Variants in SCN7A observed in about 807,000 individuals in gnomAD.
The protein encoded by SCN7A is sodium channel protein type 7 subunit alpha.
Under a neutral mutation model 155.2 loss-of-function variants are expected in SCN7A, and 138 were observed. The ratio of observed to expected loss-of-function variants is 0.89; its 90% confidence interval spans 0.77 to 1.02. The LOEUF (loss-of-function observed/expected upper bound fraction) is 1.02. SCN7A is among the 50% of genes least tolerant of loss of function. The pLI is 0.00. For synonymous variants in SCN7A, 693 were observed against 649.0 expected, an observed-to-expected ratio of 1.07 and a Z score of -1.03; for missense variants, 2,058 against 1,986.6, an observed-to-expected ratio of 1.04 and a Z score of -0.68.
rs756454563 is a variant in SCN7A, at chr2:166,423,472, G to A, written c.2854-40C>T. On this transcript the variant is annotated intron_variant, in intron 18 of 25. Transcript: ENST00000643258. ...AAAAAAATAAGGATTAGGTGTACAG[G>A]TAATTTCTAAAAACTCTTTTGACAT... 2.7e-6 allele frequency: 4 copies of A among 1,461,400 alleles called. No homozygotes were observed. The African/African-American group carries it at 4.3e-5, about 16-fold the overall frequency. 90.5% of individuals were successfully genotyped at this position (1,461,400 alleles called of 1,614,324 possible).
At chr2:166,420,445 C>A (rs1009430551) in intron 20 of SCN7A, among the ~76,000 whole-genome samples, 1 of 151,924 alleles carries the variant, frequency 6.6e-6, no homozygotes, top group Admixed American at 6.6e-5. Context: ...TACATTTGAA[C>A]GTATTCTCCC....
intron 5 of SCN7A, among the ~76,000 whole-genome samples, chr2:166,473,581 A>C (rs1392455507): frequency 6.6e-6 from 1 of 151,538 alleles, no homozygotes. Context: ...GAAAGGAATG[A>C]AAGTTACCTG....
Position 166,441,507 on chromosome 2 carries a change from G to C in SCN7A, c.2046C>G (p.Phe682Leu), listed in dbSNP as rs1403048908. ...HDFFHSFLNV[F>L]RILCGEWVET... ...CTACCCACTCTCCACAGAGAATTCG[G>C]AACACATTCAGGAAGGAGTGGAAAA... The change falls in exon 15 of 26, where the codon TTC (phenylalanine) becomes TTG (leucine). Residue 682 changes from phenylalanine to leucine, a missense_variant. Phe to Leu is a conservative substitution (Grantham distance 22, BLOSUM62 0). Transcript: ENST00000643258. The C allele has an allele frequency of 3.7e-6, 6 of 1,613,958 alleles. No individual in the cohort carries two copies. In the South Asian group the frequency reaches 6.6e-5, roughly 18 times the overall value.
intron 20 of SCN7A, among the ~76,000 whole-genome samples, chr2:166,418,127 T>G (rs996903992): frequency 3.3e-5 from 5 of 150,896 alleles, no homozygotes; most frequent in Admixed American, 2.6e-4. Flanking sequence ...TTTTATTTAT[T>G]TTATTTTATT....
In SCN7A at chr2:166,406,002, C is replaced by T; in HGVS notation, c.4627G>A (p.Ala1543Thr). 6.2e-7 allele frequency: 1 copy of T among 1,612,968 alleles called. No homozygotes were observed. Among genetic ancestry groups the T allele is most frequent in the Non-Finnish European group, 8.5e-7 (1 of 1,179,386 alleles). Residue 1543 changes from alanine (A) to threonine (T), a missense_variant, in exon 26 of 26, where the codon GCT becomes ACT. Coordinates refer to ENST00000643258, the MANE Select transcript of SCN7A (RefSeq NM_002976.4). ...ATGAAAAGAGGAGGATCAAGAGCAG[C>T]TGCAAAATCTGAAAGCTTGCTAGAG... ...IDSSKLSDFA[A>T]ALDPPLFMAK...
intron 7 of SCN7A, among the ~76,000 whole-genome samples, chr2:166,466,424 G>A (rs1702534993): frequency 6.6e-6 from 1 of 152,048 alleles, no homozygotes; most frequent in African/African-American, 2.4e-5. Flanking sequence ...AATTCAATTT[G>A]AATAATTTCA....
chr2:166,445,881 G>T (rs1216687775), intron 12 of SCN7A, among the ~76,000 whole-genome samples: 1 of 152,078 alleles, frequency 6.6e-6, no homozygotes, highest in Non-Finnish European at 1.5e-5. Context: ...ACTAACTCAA[G>T]ATGGATTAAA....
intron 10 of SCN7A, among the ~76,000 whole-genome samples, chr2:166,460,145 C>T (rs1702370082): frequency 6.6e-6 from 1 of 152,076 alleles, no homozygotes; most frequent in South Asian, 2.1e-4. Context: ...CAAACAAAAA[C>T]TTGGAGTACA....
At chr2:166,490,665 CA>C (rs1434495326) in intron 1 of SCN7A, among the ~76,000 whole-genome samples, 1 of 152,064 alleles carries the variant, frequency 6.6e-6, no homozygotes, top group Admixed American at 6.5e-5. Context: ...ATTTTTGACC[CA>C]GGCATTTTCT....
chr2:166,421,144 A>C, intron 20 of SCN7A, 46 bp downstream of exon 20: 1 of 1,273,486 alleles, frequency 7.9e-7, no homozygotes, highest in Non-Finnish European at 1.1e-6. Flanking sequence ...AAATTTAGTA[A>C]TTCCAAATAA....
At chr2:166,471,970 TTTA>T (rs1702667373) in intron 6 of SCN7A, among the ~76,000 whole-genome samples, 2 of 151,958 alleles carry the variant, frequency 1.3e-5, no homozygotes, top group Non-Finnish European at 2.9e-5. Flanking sequence ...TCATTCTTTT[TTTA>T]TTATTATACT....
At chr2:166,448,451 T>C (rs552877487) in intron 11 of SCN7A, among the ~76,000 whole-genome samples, 1 of 152,346 alleles carries the variant, frequency 6.6e-6, no homozygotes, top group South Asian at 2.1e-4. Context: ...GCTGACTTTC[T>C]TTCTTTTGAG....
rs1195305551 is a variant in SCN7A, at chr2:166,406,345, A to C, written c.4284T>G (p.Phe1428Leu). 1 of 1,613,196 alleles carries C rather than the reference A, an allele frequency of 6.2e-7. No homozygotes were observed. Among genetic ancestry groups the C allele is most frequent in the East Asian group, 2.2e-5 (1 of 44,832 alleles). ...ETFGNSMLCL[F>L]QVAIFAGWDG... Reference sequence around the variant, plus strand: ...CCCAACCAGCAAATATTGCAACTTGAAAAAGACAGAGCATACTGTTGCCAA... The same window carrying C: ...CCCAACCAGCAAATATTGCAACTTGCAAAAGACAGAGCATACTGTTGCCAA... Residue 1428 changes from phenylalanine to leucine, a missense_variant, in exon 26 of 26, where the codon TTT (phenylalanine) becomes TTG (leucine). Transcript: ENST00000643258.
chr2:166,423,145 C>T (rs1575012959), intron 19 of SCN7A, 114 bp downstream of exon 19: 2 of 1,008,126 alleles, frequency 2.0e-6, no homozygotes, highest in East Asian at 2.6e-5. Flanking sequence ...CATGTACCAA[C>T]AATGTAGAGA....
At chr2:166,440,131 A>G (rs1701927672) in intron 15 of SCN7A, among the ~76,000 whole-genome samples, 1 of 152,218 alleles carries the variant, frequency 6.6e-6, no homozygotes, top group African/African-American at 2.4e-5. Context: ...TAGTTAATGC[A>G]TAACATTTTT....
intron 14 of SCN7A, among the ~76,000 whole-genome samples, chr2:166,442,311 G>A (rs1701978811): frequency 6.6e-6 from 1 of 152,030 alleles, no homozygotes; most frequent in African/African-American, 2.4e-5. Context: ...TTTGGTCACT[G>A]TATCACAGTA....
In SCN7A at chr2:166,405,807, G is replaced by C. The variant is rs533803665; in HGVS notation, c.4822C>G (p.Pro1608Ala). Residue 1608 changes from proline to alanine, a missense_variant, in exon 26 of 26, where the codon CCT becomes GCT. Pro to Ala is a conservative substitution (Grantham distance 27). Transcript: ENST00000643258. ...ATTGGCTCACATGTGATCTTAAAAG[G>C]GTTGGCTAACAAAAACCCTGATTCT... ...EIESGFLLAN[P>A]FKITCEPITT... is the part of the protein sequence containing the mutation. 1.2e-5 allele frequency: 20 copies of C among 1,612,976 alleles called. No individual in the cohort carries two copies. The highest frequency in any genetic ancestry group is 1.7e-4 in the Middle Eastern group (1 of 6,052).
chr2:166,424,000 C>A (rs1310580591), intron 18 of SCN7A, among the ~76,000 whole-genome samples: 8 of 152,038 alleles, frequency 5.3e-5, no homozygotes, highest in Admixed American at 3.3e-4. Context: ...CTAATCATGT[C>A]ATTGAAAGCA....
Position 166,438,329 on chromosome 2 carries a change from T to G in SCN7A, c.2157+3067A>C, listed in dbSNP as rs575319269. ...CTTCCCCTTCTGCCATGATTGTAAG[T>G]TTCCTGAGGTCTTCACCCTATGTAA... is the stretch of plus-strand genomic sequence containing the variant. On this transcript the variant is annotated intron_variant, in intron 15 of 25. Transcript: ENST00000643258. Among the ~76,000 whole-genome samples, 3 of 152,256 alleles carry G rather than the reference T, an allele frequency of 2.0e-5. No individual in the cohort carries two copies. In the South Asian group the frequency reaches 6.2e-4, roughly 32 times the overall value.
Sources: gnomAD v4.1 joint callset for allele counts (sites outside exome capture counted in the v4.1 genomes callset) on GRCh38, gnomAD v4.1.1 for gene constraint, MANE v1.5 for transcripts, NCBI Gene and HGNC (gene_info 2026-07-23, HGNC 2026-07-21) for gene names.